The following CSGALNACT1 variants were observed in gnomAD, a reference collection of about 807,000 sequenced individuals.
CSGALNACT1 encodes the protein chondroitin sulfate N-acetylgalactosaminyltransferase 1, also known as beta4GalNAcT-1.
CSGALNACT1 carries 52 observed loss-of-function variants against 51.0 expected under a neutral mutation model. The ratio of observed to expected loss-of-function variants is 1.02; its 90% confidence interval spans 0.82 to 1.29. The LOEUF (loss-of-function observed/expected upper bound fraction) is 1.29, where lower values mean the gene tolerates loss of function less well. Ranked by LOEUF, CSGALNACT1 falls within the 50% of genes most tolerant of loss-of-function variation. The probability of loss-of-function intolerance (pLI) is 0.00; values close to 1 mark genes in which losing one functional copy is unlikely to be tolerated. For missense variants in CSGALNACT1, 935 were observed against 679.2 expected (o/e 1.38, Z -4.19); for synonymous variants, 341 against 254.4 (o/e 1.34, Z -3.24).
At chr8:19,616,330 C>T (rs891520228) in intron 1 of CSGALNACT1, among the ~76,000 whole-genome samples, 2 of 152,244 alleles carry the variant, frequency 1.3e-5, no homozygotes, top group Non-Finnish European at 1.5e-5. Context: ...GAAGACACAG[C>T]TTCCTCAAAT....
At chr8:19,529,169 TA>T in intron 3 of CSGALNACT1, among the ~76,000 whole-genome samples, 1 of 152,138 alleles carries the variant, frequency 6.6e-6, no homozygotes. Flanking sequence ...AACGGTAACT[TA>T]AAAGCTTTTT....
chr8:19,565,290 G>A (rs1286013307), intron 3 of CSGALNACT1, among the ~76,000 whole-genome samples: 1 of 152,164 alleles, frequency 6.6e-6, no homozygotes, highest in Non-Finnish European at 1.5e-5. Context: ...CCCAGATTGA[G>A]TAAGTAAAGG....
At chr8:19,532,811 C>T (rs1265331471) in intron 3 of CSGALNACT1, among the ~76,000 whole-genome samples, 1 of 152,096 alleles carries the variant, frequency 6.6e-6, no homozygotes, top group African/African-American at 2.4e-5. Context: ...ATGCTAGATT[C>T]AGATCCATCT....
At chr8:19,632,230 A>C (rs1445962584) in intron 1 of CSGALNACT1, among the ~76,000 whole-genome samples, 1 of 152,236 alleles carries the variant, frequency 6.6e-6, no homozygotes, top group Non-Finnish European at 1.5e-5. Flanking sequence ...ACTTTACATA[A>C]TCAAAATCAC....
rs151117238 is a variant in CSGALNACT1 at position 19,555,572 on chromosome 8, A to G, written c.-297+35588T>C. 3.3e-5 allele frequency among the ~76,000 whole-genome samples: 5 copies of G among 149,834 alleles called. No homozygotes were observed. The East Asian group carries it at 9.6e-4, about 29-fold the overall frequency. On this transcript the variant is annotated intron_variant, in intron 3 of 9. Coordinates refer to ENST00000454498, the Ensembl canonical transcript of CSGALNACT1. ...ATATTTAGAAAAAAATAAACAAACA[A>G]AAAAACAAGAACTTGACACTGGCTC...
At chr8:19,544,894 C>T (rs892856469) in intron 3 of CSGALNACT1, among the ~76,000 whole-genome samples, 10 of 152,112 alleles carry the variant, frequency 6.6e-5, no homozygotes, top group South Asian at 2.1e-4. Context: ...AAGGAAGAGG[C>T]TATCGTTTAC....
intron 3 of CSGALNACT1, among the ~76,000 whole-genome samples, chr8:19,577,198 G>A (rs1489700305): frequency 6.6e-6 from 1 of 152,110 alleles, no homozygotes; most frequent in African/African-American, 2.4e-5. Context: ...CTTGGCCTTG[G>A]AGAATTCATA....
At chr8:19,517,907 C>G (rs1298305770) in intron 3 of CSGALNACT1, among the ~76,000 whole-genome samples, 1 of 152,168 alleles carries the variant, frequency 6.6e-6, no homozygotes, top group Non-Finnish European at 1.5e-5. Flanking sequence ...CTTCTTTCCT[C>G]TAGAGCACTG....
intron 3 of CSGALNACT1, among the ~76,000 whole-genome samples, chr8:19,551,192 G>A (rs1017057894): frequency 1.3e-5 from 2 of 152,150 alleles, no homozygotes; most frequent in East Asian, 1.9e-4. Context: ...CAACAAAGTC[G>A]GATAACAGGC....
At chr8:19,527,516 C>T (rs142513588) in intron 3 of CSGALNACT1, among the ~76,000 whole-genome samples, 60 of 152,106 alleles carry the variant, frequency 3.9e-4, no homozygotes, top group Non-Finnish European at 6.8e-4. Flanking sequence ...AGGCTGAGGA[C>T]GGAAAATCGC....
At chr8:19,430,696 G>A (rs527468819) in intron 6 of CSGALNACT1, among the ~76,000 whole-genome samples, 3 of 152,078 alleles carry the variant, frequency 2.0e-5, no homozygotes, top group Non-Finnish European at 2.9e-5. Flanking sequence ...GCATTTCCAC[G>A]TGAGTTTTAG....
intron 4 of CSGALNACT1, among the ~76,000 whole-genome samples, chr8:19,459,965 T>G (rs2065012809): frequency 6.6e-6 from 1 of 152,144 alleles, no homozygotes; most frequent in Non-Finnish European, 1.5e-5. Context: ...TCAGCTGCCC[T>G]CTCAGAACAA....
At chr8:19,538,360 T>G (rs1284787818) in intron 3 of CSGALNACT1, among the ~76,000 whole-genome samples, 1 of 149,802 alleles carries the variant, frequency 6.7e-6, no homozygotes, top group Non-Finnish European at 1.5e-5. Context: ...TTCAACAACA[T>G]AAAAAAAAAG....
intron 1 of CSGALNACT1, among the ~76,000 whole-genome samples, chr8:19,715,187 G>A (rs2062735265): frequency 6.6e-6 from 1 of 152,180 alleles, no homozygotes; most frequent in Non-Finnish European, 1.5e-5. Context: ...GATCTCGTGA[G>A]ACTTATTCAC....
chr8:19,478,061 C>T (rs568090258), intron 4 of CSGALNACT1, among the ~76,000 whole-genome samples: 4 of 152,168 alleles, frequency 2.6e-5, no homozygotes, highest in Admixed American at 1.3e-4. Context: ...TGGTGGTTCC[C>T]GTTAAACAGC....
chr8:19,561,255 ATTAT>A lies in CSGALNACT1; in HGVS notation c.-297+29901_-297+29904del, dbSNP rs140780601. ...GTGTTATATAGGTATCTACTTTCAA[ATTAT>A]TCATTAACCTCTACATTTATGGTTT... On this transcript the variant is annotated intron_variant, in intron 3 of 9. Coordinates refer to ENST00000454498, the Ensembl canonical transcript of CSGALNACT1. 6.5e-3 allele frequency among the ~76,000 whole-genome samples: 986 copies of A among 152,326 alleles called. 12 individuals are homozygous for A. Among genetic ancestry groups the A allele is most frequent in the African/African-American group, 0.023 (942 of 41,576 alleles).
chr8:19,665,727 A>C (rs1282076990), intron 1 of CSGALNACT1, among the ~76,000 whole-genome samples: 1 of 152,224 alleles, frequency 6.6e-6, no homozygotes. Context: ...AGCCTGACAA[A>C]GGACGTCAAT....
At chr8:19,602,202 T>G (rs1400371333) in exon 1 of CSGALNACT1, 1 of 202,556 alleles carries the variant, frequency 4.9e-6, no homozygotes. Flanking sequence ...AGCCGCTTCC[T>G]AACTCGCAGC....
intron 6 of CSGALNACT1, among the ~76,000 whole-genome samples, chr8:19,420,804 G>A (rs916744291): frequency 2.6e-5 from 4 of 152,146 alleles, no homozygotes; most frequent in African/African-American, 4.8e-5. Flanking sequence ...ACTATTCTTT[G>A]TGATGGAGAA....
Sources: allele counts gnomAD v4.1 joint callset (sites outside exome capture counted in the v4.1 genomes callset), GRCh38; gene constraint gnomAD v4.1.1; transcripts MANE v1.5; gene names NCBI Gene and HGNC (gene_info 2026-07-23, HGNC 2026-07-21).